Variants in GMDS observed in about 807,000 individuals in gnomAD.
GMDS encodes the protein GDP-mannose 4,6-dehydratase, also known as GDP-mannose 4,6 dehydratase.
In GMDS, 20 loss-of-function variants were observed where a neutral mutation model predicts 49.9. That is an observed-to-expected ratio of 0.40 (90% CI 0.28 to 0.58). GMDS has a LOEUF of 0.58. GMDS is among the 20% of genes least tolerant of loss of function. The probability of loss-of-function intolerance (pLI) is 0.42; values close to 1 mark genes in which losing one functional copy is unlikely to be tolerated. For missense variants in GMDS, 362 were observed against 481.4 expected (o/e 0.75, Z 2.32); for synonymous variants, 177 against 178.6 (o/e 0.99, Z 0.07).
At chr6:2,213,522 T>C (rs1398195487) in intron 1 of GMDS, among the ~76,000 whole-genome samples, 2 of 152,170 alleles carry the variant, frequency 1.3e-5, no homozygotes, top group Non-Finnish European at 2.9e-5. Context: ...GATTTTGTCA[T>C]AAAGGTACAC....
chr6:1,981,032 G>A (rs368094230), intron 4 of GMDS, among the ~76,000 whole-genome samples: 15 of 151,990 alleles, frequency 9.9e-5, no homozygotes, highest in African/African-American at 2.9e-4. Flanking sequence ...TCTGGGACAC[G>A]GCTAAAGCTG....
chr6:1,965,134 A>G (rs1764193651), intron 4 of GMDS, among the ~76,000 whole-genome samples: 1 of 152,048 alleles, frequency 6.6e-6, no homozygotes, highest in Non-Finnish European at 1.5e-5. Flanking sequence ...CAATAAACAT[A>G]TGTGTGCATG....
intron 1 of GMDS, among the ~76,000 whole-genome samples, chr6:2,162,709 C>G (rs954484338): frequency 1.3e-4 from 17 of 132,928 alleles, no homozygotes; most frequent in African/African-American, 4.8e-4. Flanking sequence ...CACACACACA[C>G]AAAACTTTCC....
chr6:1,987,971 C>A (rs1321559080), intron 4 of GMDS, among the ~76,000 whole-genome samples: 1 of 152,080 alleles, frequency 6.6e-6, no homozygotes, highest in East Asian at 1.9e-4. Context: ...TAGTAAGCAA[C>A]AGAACTGGGA....
intron 9 of GMDS, among the ~76,000 whole-genome samples, chr6:1,723,382 A>G (rs976255896): frequency 2.5e-4 from 35 of 138,028 alleles, no homozygotes; most frequent in African/African-American, 9.5e-4. Context: ...GCTGGAGTGC[A>G]GTGGCACGAC....
chr6:2,079,897 GT>G (rs1480102948), intron 4 of GMDS, among the ~76,000 whole-genome samples: 1 of 152,132 alleles, frequency 6.6e-6, no homozygotes, highest in East Asian at 1.9e-4. Flanking sequence ...AAATAGATGA[GT>G]TTTCCAATCC....
intron 7 of GMDS, among the ~76,000 whole-genome samples, chr6:1,780,048 G>A (rs913363202): frequency 2.0e-5 from 3 of 152,236 alleles, no homozygotes; most frequent in Admixed American, 1.3e-4. Flanking sequence ...AGGAGCCACC[G>A]TGAGCACGCC....
chr6:1,671,666 C>CTTTTTT (rs35355483), intron 9 of GMDS, among the ~76,000 whole-genome samples: 1 of 132,820 alleles, frequency 7.5e-6, no homozygotes, highest in Non-Finnish European at 1.6e-5. Context: ...CTTTTAATTA[C>CTTTTTT]TTTTTTTTTT....
chr6:2,123,305 C>T (rs1775242722), intron 2 of GMDS, among the ~76,000 whole-genome samples: 3 of 152,218 alleles, frequency 2.0e-5, no homozygotes, highest in African/African-American at 7.2e-5. Context: ...TCTCAGCCCA[C>T]CTTGTCCCCC....
At chr6:2,153,882 A>T (rs1355388971) in intron 1 of GMDS, among the ~76,000 whole-genome samples, 1 of 152,178 alleles carries the variant, frequency 6.6e-6, no homozygotes, top group Non-Finnish European at 1.5e-5. Flanking sequence ...TGCAGAATAT[A>T]ACGTTTACAG....
At chr6:1,895,875 T>C (rs570669630) in intron 7 of GMDS, among the ~76,000 whole-genome samples, 45 of 152,280 alleles carry the variant, frequency 3.0e-4, no homozygotes, top group African/African-American at 9.9e-4. Context: ...CGGTGAAATA[T>C]GCCATCAGCT....
At chr6:2,176,123 C>G in intron 1 of GMDS, 1 of 648,070 alleles carries the variant, frequency 1.5e-6, no homozygotes, top group East Asian at 2.9e-5. Flanking sequence ...CTTCTACAAC[C>G]AGGGATGACT....
intron 1 of GMDS, among the ~76,000 whole-genome samples, chr6:2,157,092 C>CTGT (rs1777149086): frequency 6.6e-6 from 1 of 152,178 alleles, no homozygotes; most frequent in Non-Finnish European, 1.5e-5. Context: ...ACTAAAAACT[C>CTGT]CATTTATAAC....
chr6:1,877,780 A>G (rs1197812883), intron 7 of GMDS, among the ~76,000 whole-genome samples: 1 of 152,132 alleles, frequency 6.6e-6, no homozygotes, highest in Non-Finnish European at 1.5e-5. Context: ...TTAAATATGT[A>G]CATCCCAGGA....
At chr6:1,760,161 A>G (rs1407325989) in intron 7 of GMDS, among the ~76,000 whole-genome samples, 1 of 152,196 alleles carries the variant, frequency 6.6e-6, no homozygotes, top group Non-Finnish European at 1.5e-5. Flanking sequence ...CACAGAGGAA[A>G]GCAGATCCTC....
intron 6 of GMDS, among the ~76,000 whole-genome samples, chr6:1,931,627 A>T (rs1296420524): frequency 6.6e-6 from 1 of 152,242 alleles, no homozygotes; most frequent in East Asian, 1.9e-4. Context: ...TAGTAATTTT[A>T]AAAATTTTTC....
intron 9 of GMDS, among the ~76,000 whole-genome samples, chr6:1,711,227 C>T (rs1765949191): frequency 1.3e-5 from 2 of 152,268 alleles, no homozygotes; most frequent in African/African-American, 2.4e-5. Context: ...ACAGCTGCCC[C>T]CACTTACCGA....
intron 1 of GMDS, among the ~76,000 whole-genome samples, chr6:2,185,775 G>A (rs1778752361): frequency 6.6e-6 from 1 of 152,148 alleles, no homozygotes. Context: ...TCATCAGCTT[G>A]TGATTAAAAT....
intron 9 of GMDS, among the ~76,000 whole-genome samples, chr6:1,636,783 G>A (rs1471697508): frequency 6.6e-6 from 1 of 152,238 alleles, no homozygotes; most frequent in Non-Finnish European, 1.5e-5. Flanking sequence ...GGCCCCGGAA[G>A]GTCTGCCCAT....
Sources: gnomAD v4.1 joint callset for allele counts (sites outside exome capture counted in the v4.1 genomes callset) on GRCh38, gnomAD v4.1.1 for gene constraint, MANE v1.5 for transcripts, NCBI Gene and HGNC (gene_info 2026-07-23, HGNC 2026-07-21) for gene names.